VCP: variants seen among roughly 807,000 people sequenced by gnomAD.
VCP encodes the protein transitional endoplasmic reticulum ATPase.
In VCP, 6 loss-of-function variants were observed where a neutral mutation model predicts 85.7. The observed-to-expected ratio is 0.07, with a 90% CI of 0.04 to 0.14. The LOEUF (loss-of-function observed/expected upper bound fraction) is 0.14. VCP is among the 10% of genes least tolerant of loss of function. The pLI, the probability that VCP is intolerant of heterozygous loss-of-function variation, is 1.00. For missense variants in VCP, 353 were observed against 1,043.4 expected, an observed-to-expected ratio of 0.34 and a Z score of 9.12; for synonymous variants, 384 against 367.1, an observed-to-expected ratio of 1.05 and a Z score of -0.53.
In VCP at chr9:35,059,941, T is replaced by A; in HGVS notation, c.1696-140A>T. 1 of 1,045,684 alleles carries A rather than the reference T, an allele frequency of 9.6e-7. No homozygotes were observed. The highest frequency in any genetic ancestry group is 1.4e-6 in the Non-Finnish European group (1 of 699,564). 64.8% of individuals were successfully genotyped at this position (1,045,684 alleles called of 1,614,324 possible). ...TGAGGCCAGAAATCCGAAACCAGCA[T>A]GGGCAACATACTGAGACTTTGTCTC... On this transcript the variant is annotated intron_variant, in intron 13 of 16. Coordinates refer to ENST00000358901, the MANE Select transcript of VCP (RefSeq NM_007126.5). This position sits in a 1 kb window ranked among gnomAD's most constrained non-coding sequence, Gnocchi z 4.9.
intron 4 of VCP, among the ~76,000 whole-genome samples, chr9:35,065,609 G>A (rs1273092284): frequency 1.3e-5 from 2 of 152,170 alleles, no homozygotes; most frequent in Non-Finnish European, 2.9e-5. Flanking sequence ...AACAAAACCT[G>A]ACATGTCAGA....
chr9:35,072,281 C>G (rs1828972386), intron 1 of VCP, 56 bp downstream of exon 1: 2 of 1,485,078 alleles, frequency 1.3e-6, no homozygotes, highest in South Asian at 1.3e-5. Context: ...GCCTACCCTG[C>G]GCGGCTGGTC....
At chr9:35,068,467 T>C (rs1298117195) in intron 1 of VCP, 105 bp from the exon 2 acceptor site, 3 of 1,062,990 alleles carry the variant, frequency 2.8e-6, no homozygotes, top group African/African-American at 1.6e-5. Flanking sequence ...AAGCTGTCCC[T>C]AGACCAGAAA....
chr9:35,066,556 A>C (rs1479254950), intron 4 of VCP, 119 bp downstream of exon 4: 1 of 1,400,926 alleles, frequency 7.1e-7, no homozygotes, highest in Non-Finnish European at 9.6e-7. Flanking sequence ...TGAATAAATA[A>C]ATACAGGGGA....
intron 7 of VCP, 133 bp downstream of exon 7, chr9:35,062,845 C>T: frequency 1.2e-6 from 1 of 864,194 alleles, no homozygotes; most frequent in East Asian, 2.4e-5. Context: ...TGTAACATAC[C>T]CCAGCATAAG....
At chr9:35,058,237 G>T (rs1828648772) in intron 15 of VCP, among the ~76,000 whole-genome samples, 1 of 152,096 alleles carries the variant, frequency 6.6e-6, no homozygotes, top group South Asian at 2.1e-4. Context: ...GAGAGAGAAG[G>T]GATGTCACAG....
At chr9:35,066,068 G>C (rs1038933843) in intron 4 of VCP, among the ~76,000 whole-genome samples, 2 of 151,770 alleles carry the variant, frequency 1.3e-5, no homozygotes, top group African/African-American at 2.4e-5. Flanking sequence ...GGAGGTTGCA[G>C]TGAGCCGAGA....
chr9:35,072,500 T>G lies in VCP; in HGVS notation c.-147A>C, dbSNP rs1019528970. The G allele has an allele frequency of 1.3e-5, 14 of 1,048,780 alleles. No homozygotes were observed. Among genetic ancestry groups the G allele is most frequent in the African/African-American group, 1.7e-5 (1 of 59,194 alleles). 65.0% of individuals were successfully genotyped at this position (1,048,780 alleles called of 1,614,324 possible). ...ACCCGCAAGCGGCTTCCCTCTCGCT[T>G]CCTCCCACCGGCAGCGAGGCGTCGG... On this transcript the variant is annotated 5_prime_UTR_variant, in exon 1 of 17. Coordinates refer to ENST00000358901, the MANE Select transcript of VCP (RefSeq NM_007126.5).
chr9:35,061,526 C>G, intron 10 of VCP, 51 bp downstream of exon 10: 1 of 1,526,628 alleles, frequency 6.6e-7, no homozygotes, highest in Non-Finnish European at 9.1e-7. Context: ...CAGTTCCCAG[C>G]AACTGCCTAG....
At chr9:35,072,160 C>G in intron 1 of VCP, 177 bp downstream of exon 1, 1 of 1,408,262 alleles carries the variant, frequency 7.1e-7, no homozygotes, top group South Asian at 1.4e-5. Flanking sequence ...GGGTGCGCAG[C>G]TGGCCCCAGC....
intron 3 of VCP, 115 bp downstream of exon 3, chr9:35,067,776 T>C (rs993101603): frequency 7.3e-7 from 1 of 1,374,804 alleles, no homozygotes; most frequent in African/African-American, 1.4e-5. Flanking sequence ...ACCAGGAGGC[T>C]TCCTGCATCG....
At position 35,062,035 on chromosome 9, in the gene VCP, G is replaced by A; in HGVS notation, c.1049C>T (p.Pro350Leu). 1 of 1,614,124 alleles carries A rather than the reference G, an allele frequency of 6.2e-7. No homozygotes were observed. Among genetic ancestry groups the A allele is most frequent in the Non-Finnish European group, 8.5e-7 (1 of 1,180,022 alleles). The change falls in exon 9 of 17, where the codon CCC (proline) becomes CTC (leucine). Residue 350 changes from proline to leucine, a missense_variant. Physicochemically the swap from Pro to Leu is moderately conservative, Grantham distance 98. This residue lies in a region of VCP where 85 missense variants were observed against 345.2 expected (regional missense o/e 0.25). Coordinates refer to ENST00000358901, the MANE Select transcript of VCP (RefSeq NM_007126.5). ...CCGTAGAGCTGGGTCAATGCTGTTG[G>A]GTCTGTTGGTTGCTGCCATAACAAT... ...HVIVMAATNR[P>L]NSIDPALRRF...
rs926779705 is a variant in VCP at position 35,064,391 on chromosome 9, TAAG to T, written c.577-109_577-107del. 5 of 1,477,810 alleles carry T rather than the reference TAAG, an allele frequency of 3.4e-6. No homozygotes were observed. The South Asian group carries it at 4.6e-5, about 14-fold the overall frequency. 91.5% of individuals were successfully genotyped at this position (1,477,810 alleles called of 1,614,324 possible). ...ACCTAGTGTGCAAAAACCTACCGTA[TAAG>T]AAGATTCTCAACCCGGCATGGTGGC... is the stretch of plus-strand genomic sequence containing the variant. On this transcript the variant is annotated intron_variant, in intron 5 of 16. Coordinates refer to ENST00000358901, the MANE Select transcript of VCP (RefSeq NM_007126.5).
At position 35,068,247 on chromosome 9, in the gene VCP, T is replaced by C; in HGVS notation, c.129+4A>G. The C allele has an allele frequency of 6.2e-7, 1 of 1,613,850 alleles. No individual in the cohort carries two copies. Among genetic ancestry groups the C allele is most frequent in the Non-Finnish European group, 8.5e-7 (1 of 1,179,780 alleles). On this transcript the variant is annotated splice_donor_region_variant and intron_variant, in intron 2 of 16. Transcript: ENST00000358901. The stretch of plus-strand genomic sequence containing the variant: ...GGAAAGACTAGTCTGTGGCCACAGC[T>C]TACCTGGGACAAGGACACCACACTG...
rs376510669 is a variant in VCP at position 35,059,634 on chromosome 9, G to A, written c.1863C>T (p.Gly621=). ...CAATGATGTCAGGCCGGTTGGTAGC[G>A]CCAATGATGAACACATTTTTTTTTG... The part of the protein sequence containing the change: ...MSTKKNVFII[G]ATNRPDIIDP... The change falls in exon 14 of 17, where the codon GGC becomes GGT. Residue 621 remains glycine, a synonymous_variant. Transcript: ENST00000358901. This position sits in a 1 kb window ranked among gnomAD's most constrained non-coding sequence, Gnocchi z 4.9. 7.1e-5 allele frequency: 114 copies of A among 1,614,122 alleles called. No homozygotes were observed. Among genetic ancestry groups the A allele is most frequent in the Middle Eastern group, 1.6e-4 (1 of 6,062 alleles).
chr9:35,066,616 G>A, intron 4 of VCP, 59 bp downstream of exon 4: 1 of 1,550,984 alleles, frequency 6.4e-7, no homozygotes, highest in Non-Finnish European at 8.8e-7. Flanking sequence ...ATGAGATAAA[G>A]ATGTTCCAAG....
At chr9:35,069,338 C>CA (rs145619622) in intron 1 of VCP, among the ~76,000 whole-genome samples, 3,527 of 152,056 alleles carry the variant, frequency 0.023, 154 homozygotes, top group African/African-American at 0.08. Context: ...GGTCTACACT[C>CA]AGTGTTATTT....
At chr9:35,061,713 A>T (rs371301612) in intron 9 of VCP, 24 bp from the exon 10 acceptor site, 3 of 1,595,042 alleles carry the variant, frequency 1.9e-6, no homozygotes, top group Non-Finnish European at 2.6e-6. Flanking sequence ...CACAAACATA[A>T]ACAGGGCTCA....
At chr9:35,071,746 AG>A in intron 1 of VCP, 2 of 989,644 alleles carry the variant, frequency 2.0e-6, no homozygotes, top group East Asian at 2.3e-4. Context: ...TCACACACAG[AG>A]GATGCCCACC....
Sources: allele counts gnomAD v4.1 joint callset (sites outside exome capture counted in the v4.1 genomes callset), GRCh38; gene constraint gnomAD v4.1.1; regional missense constraint gnomAD v4.1.1; non-coding constraint Gnocchi (gnomAD v3.1); transcripts MANE v1.5; gene names NCBI Gene and HGNC (gene_info 2026-07-23, HGNC 2026-07-21).